Variants in PCDHGA5 observed in about 807,000 individuals in gnomAD.
PCDHGA5 encodes protocadherin gamma-A5.
In PCDHGA5, 36 loss-of-function variants were observed where a neutral mutation model predicts 56.7. The observed-to-expected ratio is 0.64, with a 90% CI of 0.49 to 0.84. PCDHGA5 has a LOEUF of 0.84. Ranked by LOEUF, PCDHGA5 falls within the 40% of genes least tolerant of loss-of-function variation. The probability of loss-of-function intolerance (pLI) is 0.00; values close to 1 mark genes in which losing one functional copy is unlikely to be tolerated. For missense variants in PCDHGA5, 1,305 were observed against 1,201.5 expected (o/e 1.09, Z -1.27); for synonymous variants, 563 against 520.2 (o/e 1.08, Z -1.12).
chr5:141,408,096 C>T, intron 1 of PCDHGA5: 5 of 1,434,864 alleles, frequency 3.5e-6, no homozygotes, highest in Non-Finnish European at 4.6e-6. Flanking sequence ...ATTGCCAGCT[C>T]CGAGACCCGG....
chr5:141,408,777 C>T (rs1019825842), intron 1 of PCDHGA5: 22 of 1,611,714 alleles, frequency 1.4e-5, no homozygotes, highest in Non-Finnish European at 1.8e-5. Context: ...GGCAAATACC[C>T]AGAGTTATCT....
At chr5:141,413,796 G>A in intron 1 of PCDHGA5, 2 of 1,613,190 alleles carry the variant, frequency 1.2e-6, no homozygotes, top group Non-Finnish European at 1.7e-6. Flanking sequence ...TAGATCGCGA[G>A]GAAGAGGCCA....
chr5:141,444,035 T>C (rs928920813), intron 1 of PCDHGA5, among the ~76,000 whole-genome samples: 1 of 151,694 alleles, frequency 6.6e-6, no homozygotes, highest in Non-Finnish European at 1.5e-5. Context: ...ATTCAGTAAA[T>C]CAGATAATTT....
intron 1 of PCDHGA5, chr5:141,374,675 G>A (rs1770710965): frequency 1.2e-6 from 2 of 1,610,644 alleles, no homozygotes; most frequent in South Asian, 1.1e-5. Flanking sequence ...GGTGCTGGAG[G>A]GCACACTGGA....
intron 1 of PCDHGA5, chr5:141,384,572 A>G: frequency 6.2e-7 from 1 of 1,613,908 alleles, no homozygotes; most frequent in Non-Finnish European, 8.5e-7. Context: ...CAGAATGACA[A>G]CCCGCCCGAG....
At chr5:141,478,963 A>G (rs193236728) in intron 1 of PCDHGA5, among the ~76,000 whole-genome samples, 5 of 152,322 alleles carry the variant, frequency 3.3e-5, no homozygotes, top group East Asian at 1.9e-4. Context: ...TCATTCCTCC[A>G]CCTTTCAAGT....
chr5:141,422,314 C>G (rs1207977453), intron 1 of PCDHGA5: 2 of 1,547,838 alleles, frequency 1.3e-6, no homozygotes, highest in Non-Finnish European at 1.7e-6. Context: ...AAACTCTCCT[C>G]CAGGTACAGT....
rs575872277 is a variant in PCDHGA5, at chr5:141,511,848, G to A, written c.*675G>A. The A allele has an allele frequency of 6.4e-6, 1 of 156,684 alleles. No individual in the cohort carries two copies. The highest frequency in any genetic ancestry group is 2.0e-4 in the South Asian group (1 of 5,078). The allele number at this position is 156,684 out of a possible 1,614,324, so 9.7% of individuals were successfully genotyped here. A position where few individuals can be genotyped will look rare whatever the true frequency, so the allele number is the denominator to read the frequency against. ...GCCCTGGGGACCAGTCTTCTGTTTT[G>A]TTTTTCATTGTTTGACGTTTCCACT... On this transcript the variant is annotated 3_prime_UTR_variant, in exon 4 of 4. Transcript: ENST00000518069.
At chr5:141,415,083 G>T (rs747351388) in intron 1 of PCDHGA5, 1 of 1,613,514 alleles carries the variant, frequency 6.2e-7, no homozygotes. Context: ...CGCGAGCCCT[G>T]CTGGACAGAG....
intron 1 of PCDHGA5, chr5:141,408,732 AT>A (rs1172232848): frequency 6.2e-7 from 1 of 1,610,014 alleles, no homozygotes; most frequent in Non-Finnish European, 8.5e-7. Context: ...TCTAATCCTT[AT>A]TTTTCATTAA....
At chr5:141,505,302 G>A (rs1733345360) in intron 2 of PCDHGA5, 91 bp from the exon 3 acceptor site, 1 of 1,592,596 alleles carries the variant, frequency 6.3e-7, no homozygotes, top group Admixed American at 1.7e-5. Flanking sequence ...TAGGGTTAGG[G>A]TACTAGGTTT....
chr5:141,393,635 C>A (rs370544677), intron 1 of PCDHGA5: 1 of 1,613,750 alleles, frequency 6.2e-7, no homozygotes, highest in African/African-American at 1.3e-5. Context: ...AGGGAATCAA[C>A]GGAAAAGTGG....
Position 141,491,188 on chromosome 5 carries a change from G to A in PCDHGA5, c.2422-3619G>A. On this transcript the variant is annotated intron_variant, in intron 1 of 3. Transcript: ENST00000518069. This position sits in a 1 kb window ranked among gnomAD's most constrained non-coding sequence, Gnocchi z 6.9. Reference sequence around the variant, plus strand: ...CCAGCAGGTGGTGGTCCTGGTGAGGGACAATGGTGACCCTTCACTCTCCTC... The same window carrying A: ...CCAGCAGGTGGTGGTCCTGGTGAGGAACAATGGTGACCCTTCACTCTCCTC... The A allele has an allele frequency of 6.2e-7, 1 of 1,614,198 alleles. No individual in the cohort carries two copies. The highest frequency in any genetic ancestry group is 1.1e-5 in the South Asian group (1 of 91,086).
Position 141,417,739 on chromosome 5 carries a change from C to G in PCDHGA5, c.2421+50988C>G, listed in dbSNP as rs1002260902. On this transcript the variant is annotated intron_variant, in intron 1 of 3. Transcript: ENST00000518069. The stretch of plus-strand genomic sequence containing the variant: ...GGCTGCGCAGACCTTGCCCAGCACA[C>G]CAGATTGCCAGCTCCGAGACCCGGG... 1.6e-5 allele frequency: 22 copies of G among 1,411,706 alleles called. No homozygotes were observed. In the African/African-American group the frequency reaches 1.7e-4, roughly 11 times the overall value. The allele number at this position is 1,411,706 out of a possible 1,614,324, so 87.4% of individuals were successfully genotyped here.
Sources: gnomAD v4.1 joint callset for allele counts (sites outside exome capture counted in the v4.1 genomes callset) on GRCh38, gnomAD v4.1.1 for gene constraint, Gnocchi (gnomAD v3.1) non-coding constraint, MANE v1.5 for transcripts, NCBI Gene and HGNC (gene_info 2026-07-23, HGNC 2026-07-21) for gene names.